The following SH3GL2 variants were observed in gnomAD, a reference collection of about 807,000 sequenced individuals.
SH3GL2 encodes endophilin-A1.
SH3GL2 carries 24 observed loss-of-function variants against 46.0 expected under a neutral mutation model. The observed-to-expected ratio is 0.52, with a 90% CI of 0.38 to 0.73. SH3GL2 has a LOEUF of 0.73. SH3GL2 is among the 30% of genes least tolerant of loss of function. SH3GL2 has a pLI of 0.00. For missense variants in SH3GL2, 413 were observed against 424.2 expected (o/e 0.97, Z 0.23); for synonymous variants, 196 against 147.1 (o/e 1.33, Z -2.40).
At chr9:17,693,123 G>T (rs1821123886) in intron 1 of SH3GL2, among the ~76,000 whole-genome samples, 1 of 152,096 alleles carries the variant, frequency 6.6e-6, no homozygotes, top group Admixed American at 6.6e-5. Context: ...ATTGTCCATT[G>T]AAAATAAAAC....
chr9:17,588,153 C>T (rs544992464), intron 1 of SH3GL2, among the ~76,000 whole-genome samples: 1 of 152,136 alleles, frequency 6.6e-6, no homozygotes, highest in Admixed American at 6.5e-5. Flanking sequence ...TCAGGATGAC[C>T]CTGGATCGGT....
chr9:17,624,728 C>G (rs1248249961), intron 1 of SH3GL2, among the ~76,000 whole-genome samples: 1 of 152,186 alleles, frequency 6.6e-6, no homozygotes, highest in African/African-American at 2.4e-5. Flanking sequence ...TGTGATCAGG[C>G]TCATCTTGTA....
chr9:17,636,304 A>G (rs1819542683), intron 1 of SH3GL2, among the ~76,000 whole-genome samples: 1 of 152,082 alleles, frequency 6.6e-6, no homozygotes, highest in South Asian at 2.1e-4. Flanking sequence ...AAGGTAATGG[A>G]TGAATGGTCT....
Position 17,636,160 on chromosome 9 carries a change from A to G in SH3GL2, c.45+56873A>G, listed in dbSNP as rs201711565. Among the ~76,000 whole-genome samples the G allele has an allele frequency of 2.6e-5, 4 of 152,316 alleles. No individual in the cohort carries two copies. In the East Asian group the frequency reaches 7.7e-4, roughly 29 times the overall value. On this transcript the variant is annotated intron_variant, in intron 1 of 8. Transcript: ENST00000380607. The stretch of plus-strand genomic sequence containing the variant: ...GTATGGAATATTAATGATGGAGTTT[A>G]AAAAGAGTTACTTAAGAAGAAGTAT...
intron 1 of SH3GL2, among the ~76,000 whole-genome samples, chr9:17,638,472 G>T (rs1052536541): frequency 6.6e-6 from 1 of 152,216 alleles, no homozygotes; most frequent in Non-Finnish European, 1.5e-5. Context: ...ACATTGTTGT[G>T]AAAGTATCAT....
At position 17,630,723 on chromosome 9, in the gene SH3GL2, G is replaced by A. The variant is rs983106526; in HGVS notation, c.45+51436G>A. ...ACTGCTACCTAACAGTTATTCTGGA[G>A]CTCAAATATTTCCTGTTCATTATGC... On this transcript the variant is annotated intron_variant, in intron 1 of 8. Coordinates refer to ENST00000380607, the MANE Select transcript of SH3GL2 (RefSeq NM_003026.5). 1.1e-4 allele frequency among the ~76,000 whole-genome samples: 16 copies of A among 152,180 alleles called. 1 individual carries two copies. The highest frequency in any genetic ancestry group is 4.4e-5 in the Non-Finnish European group (3 of 68,030).
intron 1 of SH3GL2, among the ~76,000 whole-genome samples, chr9:17,651,408 G>A (rs564220767): frequency 5.6e-4 from 86 of 152,260 alleles, no homozygotes; most frequent in Middle Eastern, 6.8e-3. Context: ...TTTTCTCCTT[G>A]AGAATCTTGT....
At chr9:17,700,497 T>C (rs376991795) in intron 1 of SH3GL2, among the ~76,000 whole-genome samples, 6 of 152,232 alleles carry the variant, frequency 3.9e-5, no homozygotes, top group Non-Finnish European at 7.3e-5. Context: ...CCTGGATTCC[T>C]GTGGTTAGGT....
At chr9:17,615,340 G>C (rs893786352) in intron 1 of SH3GL2, among the ~76,000 whole-genome samples, 3 of 152,024 alleles carry the variant, frequency 2.0e-5, no homozygotes, top group Non-Finnish European at 4.4e-5. Context: ...CTTTTCATTT[G>C]TCATTTTTCC....
chr9:17,624,080 C>T (rs1322643404), intron 1 of SH3GL2, among the ~76,000 whole-genome samples: 1 of 152,164 alleles, frequency 6.6e-6, no homozygotes, highest in African/African-American at 2.4e-5. Context: ...GTTTTTAAGA[C>T]TGCATCCTGC....
chr9:17,597,106 A>G (rs529979874), intron 1 of SH3GL2, among the ~76,000 whole-genome samples: 1 of 152,372 alleles, frequency 6.6e-6, no homozygotes, highest in East Asian at 1.9e-4. Flanking sequence ...AACAGTTGAG[A>G]CTGCTTCAAG....
intron 1 of SH3GL2, among the ~76,000 whole-genome samples, chr9:17,714,901 C>G (rs1821713189): frequency 6.6e-6 from 1 of 151,548 alleles, no homozygotes; most frequent in African/African-American, 2.4e-5. Context: ...ATATTTCTTT[C>G]TCAGTGGTTG....
chr9:17,673,902 A>G (rs2117983065), intron 1 of SH3GL2, among the ~76,000 whole-genome samples: 1 of 152,136 alleles, frequency 6.6e-6, no homozygotes, highest in Non-Finnish European at 1.5e-5. Flanking sequence ...ACTCTACCCT[A>G]AGGTCTCCAT....
chr9:17,678,805 TG>T, intron 1 of SH3GL2, among the ~76,000 whole-genome samples: 1 of 152,204 alleles, frequency 6.6e-6, no homozygotes, highest in Non-Finnish European at 1.5e-5. Context: ...AATTGATTTT[TG>T]TATAAGGTGT....
At chr9:17,739,339 G>A (rs576639111) in intron 1 of SH3GL2, among the ~76,000 whole-genome samples, 2 of 151,526 alleles carry the variant, frequency 1.3e-5, no homozygotes, top group African/African-American at 4.8e-5. Flanking sequence ...TTCTCAAGGG[G>A]ATTTATGACT....
chr9:17,675,027 T>G (rs1367041697), intron 1 of SH3GL2, among the ~76,000 whole-genome samples: 1 of 152,152 alleles, frequency 6.6e-6, no homozygotes, highest in East Asian at 1.9e-4. Flanking sequence ...GGGAGGAATG[T>G]GATTGTTTGT....
intron 1 of SH3GL2, among the ~76,000 whole-genome samples, chr9:17,685,886 G>C (rs1820893515): frequency 6.6e-6 from 1 of 151,980 alleles, no homozygotes; most frequent in Admixed American, 6.6e-5. Context: ...GCATGGGCAA[G>C]GACTTCATGT....
chr9:17,744,515 A>G (rs758253701), intron 1 of SH3GL2, among the ~76,000 whole-genome samples: 3 of 151,982 alleles, frequency 2.0e-5, no homozygotes, highest in East Asian at 1.9e-4. Context: ...ACAGGTGCAC[A>G]CTACCATGTT....
At chr9:17,676,627 G>C (rs980462765) in intron 1 of SH3GL2, among the ~76,000 whole-genome samples, 3 of 152,052 alleles carry the variant, frequency 2.0e-5, no homozygotes, top group Non-Finnish European at 2.9e-5. Context: ...CAAACAAAAA[G>C]TATATCACAA....
Sources: gnomAD v4.1 joint callset for allele counts (sites outside exome capture counted in the v4.1 genomes callset) on GRCh38, gnomAD v4.1.1 for gene constraint, MANE v1.5 for transcripts, NCBI Gene and HGNC (gene_info 2026-07-23, HGNC 2026-07-21) for gene names.